The following ANTXR2 variants were observed in gnomAD, a reference collection of about 807,000 sequenced individuals.
ANTXR2 encodes ANTXR cell adhesion molecule 2, also known as anthrax toxin receptor 2.
Under a neutral mutation model 73.7 loss-of-function variants are expected in ANTXR2, and 44 were observed. That is an observed-to-expected ratio of 0.60 (90% CI 0.47 to 0.77). The LOEUF (loss-of-function observed/expected upper bound fraction) is 0.77, where lower values mean the gene tolerates loss of function less well. Ranked by LOEUF, ANTXR2 falls within the 30% of genes least tolerant of loss-of-function variation. The pLI, the probability that ANTXR2 is intolerant of heterozygous loss-of-function variation, is 0.00. For missense variants in ANTXR2, 604 were observed against 592.5 expected, an observed-to-expected ratio of 1.02 and a Z score of -0.20; for synonymous variants, 217 against 205.9, an observed-to-expected ratio of 1.05 and a Z score of -0.46.
chr4:79,916,790 G>A (rs991090242), intron 16 of ANTXR2, among the ~76,000 whole-genome samples: 1 of 151,992 alleles, frequency 6.6e-6, no homozygotes, highest in African/African-American at 2.4e-5. Context: ...TATGAAGGGG[G>A]TTAAAATGAA....
intron 10 of ANTXR2, among the ~76,000 whole-genome samples, chr4:80,027,548 T>C (rs1231022003): frequency 6.6e-6 from 1 of 152,158 alleles, no homozygotes; most frequent in Admixed American, 6.6e-5. Flanking sequence ...AGAGAACTAA[T>C]ACTATCAGTT....
chr4:80,034,034 T>A (rs541504286), intron 8 of ANTXR2, among the ~76,000 whole-genome samples: 2 of 152,242 alleles, frequency 1.3e-5, no homozygotes, highest in East Asian at 3.9e-4. Context: ...CTTTCTTTAA[T>A]CTATGCCTGT....
chr4:79,929,533 AG>A (rs1245346948), intron 16 of ANTXR2, among the ~76,000 whole-genome samples: 4 of 152,110 alleles, frequency 2.6e-5, no homozygotes, highest in African/African-American at 9.7e-5. Context: ...CAACAACAAA[AG>A]TAAATATTCT....
In ANTXR2 at chr4:79,960,867, C is replaced by A. The variant is rs986109071; in HGVS notation, c.1428+16754G>T. ...ACTATATATTAGCTTCTATGTTATA[C>A]AAATCCTAGTGTTTTATTTATAAAT... On this transcript the variant is annotated intron_variant, in intron 16 of 16. Transcript: ENST00000403729. Among the ~76,000 whole-genome samples, 25 of 151,864 alleles carry A rather than the reference C, an allele frequency of 1.6e-4. 1 individual carries two copies. The highest frequency in any genetic ancestry group is 2.6e-4 in the Admixed American group (4 of 15,252).
chr4:80,051,160 G>A (rs544696546), intron 7 of ANTXR2, among the ~76,000 whole-genome samples: 24 of 151,736 alleles, frequency 1.6e-4, no homozygotes, highest in Non-Finnish European at 3.2e-4. Flanking sequence ...AACCCATCCT[G>A]TCTTTATGTC....
At position 80,061,062 on chromosome 4, in the gene ANTXR2, T is replaced by C. The variant is rs192999250; in HGVS notation, c.297-5049A>G. On this transcript the variant is annotated intron_variant, in intron 3 of 16. Transcript: ENST00000403729. Reference sequence around the variant, plus strand: ...CTCGATTCTCCTCCACATGGCTAGGTTGGGCTTCTTCCTAGCATGGTGGTC... The same window carrying C: ...CTCGATTCTCCTCCACATGGCTAGGCTGGGCTTCTTCCTAGCATGGTGGTC... Among the ~76,000 whole-genome samples the C allele has an allele frequency of 2.8e-4, 42 of 152,208 alleles. No homozygotes were observed. In the South Asian group the frequency reaches 6.8e-3, roughly 25 times the overall value.
At position 80,000,306 on chromosome 4, in the gene ANTXR2, G is replaced by C. The variant is rs566364322; in HGVS notation, c.1041+8215C>G. Among the ~76,000 whole-genome samples, 92 of 152,090 alleles carry C rather than the reference G, an allele frequency of 6.0e-4. 1 individual carries two copies. The highest frequency in any genetic ancestry group is 1.1e-3 in the Admixed American group (17 of 15,248). On this transcript the variant is annotated intron_variant, in intron 12 of 16. Coordinates refer to ENST00000403729, the MANE Select transcript of ANTXR2 (RefSeq NM_058172.6). ...GAAGTCAATGAAAATTATATCAAGA[G>C]TGATTGTATCATAAATTTCCTCAAG...
chr4:80,054,027 A>G (rs1403682439), intron 7 of ANTXR2, among the ~76,000 whole-genome samples: 2 of 151,726 alleles, frequency 1.3e-5, no homozygotes, highest in African/African-American at 2.4e-5. Flanking sequence ...TGAGACTTAA[A>G]ATCTTAAACT....
rs780860990 is a variant in ANTXR2, at chr4:79,984,833, G to T, written c.1072C>A (p.Pro358Thr). 2.7e-5 allele frequency: 44 copies of T among 1,606,348 alleles called. No homozygotes were observed. Among genetic ancestry groups the T allele is most frequent in the Admixed American group, 1.5e-4 (9 of 59,306 alleles). The change falls in exon 13 of 17, where the codon CCT (proline) becomes ACT (threonine). Residue 358 changes from proline to threonine, a missense_variant. Pro to Thr is a conservative substitution (Grantham distance 38). Coordinates refer to ENST00000403729, the MANE Select transcript of ANTXR2 (RefSeq NM_058172.6). ...CACTCACTTACCTCTTTTGGTGCAGGGGCGGGTGGTGGTGGAGGATCCTTA... is the reference window on the plus strand; with the variant it reads ...CACTCACTTACCTCTTTTGGTGCAGTGGCGGGTGGTGGTGGAGGATCCTTA... ...VIKDPPPPPA[P>T]APKEEEEEPL...
Position 79,906,363 on chromosome 4 carries a change from G to A in ANTXR2, c.*1066C>T, listed in dbSNP as rs1726908742. On this transcript the variant is annotated 3_prime_UTR_variant, in exon 17 of 17. Transcript: ENST00000403729. The stretch of plus-strand genomic sequence containing the variant: ...ATGTCAAAAGGCATAAAAAAGATGA[G>A]CAAAATCTTCACAGGCTGCTGCTTG... The A allele has an allele frequency of 6.6e-6, 1 of 152,492 alleles. No individual in the cohort carries two copies. The highest frequency in any genetic ancestry group is 6.6e-5 in the Admixed American group (1 of 15,252). The allele number at this position is 152,492 out of a possible 1,614,324, so 9.4% of individuals were successfully genotyped here.
At chr4:79,958,756 C>T (rs563198001) in intron 16 of ANTXR2, among the ~76,000 whole-genome samples, 65 of 152,172 alleles carry the variant, frequency 4.3e-4, no homozygotes, top group Middle Eastern at 3.4e-3. Flanking sequence ...AATCTGGATT[C>T]GGAGGACAGT....
chr4:80,069,781 A>C (rs1734695900), intron 2 of ANTXR2, among the ~76,000 whole-genome samples: 1 of 152,204 alleles, frequency 6.6e-6, no homozygotes, highest in African/African-American at 2.4e-5. Flanking sequence ...ATAAATTCTA[A>C]GCTGATGTAA....
At chr4:80,051,662 T>G (rs1329864828) in intron 7 of ANTXR2, among the ~76,000 whole-genome samples, 1 of 151,730 alleles carries the variant, frequency 6.6e-6, no homozygotes, top group Non-Finnish European at 1.5e-5. Context: ...TAAGTGATTT[T>G]CTGGATCAAA....
chr4:80,057,553 T>C (rs752532172), intron 3 of ANTXR2, among the ~76,000 whole-genome samples: 10 of 151,934 alleles, frequency 6.6e-5, no homozygotes, highest in Non-Finnish European at 1.2e-4. Context: ...CTTTCCTGGT[T>C]CACTCATCTC....
chr4:79,923,632 C>T (rs6534653), intron 16 of ANTXR2, among the ~76,000 whole-genome samples: 87,183 of 151,786 alleles, frequency 0.57, 25,356 homozygotes, highest in Non-Finnish European at 0.6. Flanking sequence ...CCATTGTGAG[C>T]CTTAGATCGA....
rs570246485 is a variant in ANTXR2, at chr4:80,011,427, A to G, written c.946-2811T>C. Among the ~76,000 whole-genome samples, 9 of 152,262 alleles carry G rather than the reference A, an allele frequency of 5.9e-5. No homozygotes were observed. The East Asian group carries it at 1.5e-3, about 26-fold the overall frequency. ...ATTCAATATCAGGAATTAGGAAACT[A>G]TGGCACAAAGGTCAAATCCAGCCAA... On this transcript the variant is annotated intron_variant, in intron 11 of 16. Coordinates refer to ENST00000403729, the MANE Select transcript of ANTXR2 (RefSeq NM_058172.6).
chr4:79,921,612 G>T (rs1365602710), intron 16 of ANTXR2, among the ~76,000 whole-genome samples: 1 of 152,024 alleles, frequency 6.6e-6, no homozygotes, highest in Non-Finnish European at 1.5e-5. Context: ...TTGTAGAAAT[G>T]TATAGTTTTT....
intron 16 of ANTXR2, among the ~76,000 whole-genome samples, chr4:79,959,869 C>G (rs1013335489): frequency 6.6e-6 from 1 of 152,142 alleles, no homozygotes; most frequent in Non-Finnish European, 1.5e-5. Flanking sequence ...TGATGTCTAA[C>G]GACGTCTCTA....
chr4:79,934,184 T>C (rs1318761364), intron 16 of ANTXR2, among the ~76,000 whole-genome samples: 1 of 152,126 alleles, frequency 6.6e-6, no homozygotes. Context: ...TGACCATCAA[T>C]GCTTTTGAAT....
Sources: gnomAD v4.1 joint callset for allele counts (sites outside exome capture counted in the v4.1 genomes callset) on GRCh38, gnomAD v4.1.1 for gene constraint, MANE v1.5 for transcripts, NCBI Gene and HGNC (gene_info 2026-07-23, HGNC 2026-07-21) for gene names.